The following NBEAL1 variants were observed in gnomAD, a reference collection of about 807,000 sequenced individuals.
NBEAL1 encodes neurobeachin like 1, also known as neurobeachin-like protein 1.
A neutral mutation model predicts 351.3 loss-of-function variants in NBEAL1; 273 were observed. The ratio of observed to expected loss-of-function variants is 0.78; its 90% CI spans 0.70 to 0.86. The LOEUF is 0.86. Ranked by LOEUF, NBEAL1 falls within the 40% of genes least tolerant of loss-of-function variation. The probability of loss-of-function intolerance (pLI) is 0.00; values close to 1 mark genes in which losing one functional copy is unlikely to be tolerated. For missense variants in NBEAL1, 2,961 were observed against 3,201.3 expected, an observed-to-expected ratio of 0.92 and a Z score of 1.81; for synonymous variants, 1,050 against 1,086.4, an observed-to-expected ratio of 0.97 and a Z score of 0.66.
intron 8 of NBEAL1, 129 bp from the exon 9 acceptor site, chr2:203,083,090 A>T (rs1391800534): frequency 8.0e-6 from 6 of 749,034 alleles, no homozygotes; most frequent in Non-Finnish European, 1.3e-5. Flanking sequence ...CTATCAGAGT[A>T]TCTGTTACAA....
intron 7 of NBEAL1, among the ~76,000 whole-genome samples, chr2:203,070,681 C>T (rs1004424175): frequency 1.3e-5 from 2 of 152,176 alleles, no homozygotes; most frequent in African/African-American, 4.8e-5. Flanking sequence ...TTACTTACTG[C>T]AGAAGGCAAA....
chr2:203,126,621 C>T lies in NBEAL1; in HGVS notation c.3050C>T (p.Ser1017Leu). The T allele has an allele frequency of 6.5e-7, 1 of 1,528,104 alleles. No individual in the cohort carries two copies. The highest frequency in any genetic ancestry group is 8.8e-7 in the Non-Finnish European group (1 of 1,137,814). The allele number at this position is 1,528,104 out of a possible 1,614,324, so 94.7% of individuals were successfully genotyped here. A position where few individuals can be genotyped will look rare whatever the true frequency, so the allele number is the denominator to read the frequency against. ...GTTCAGTTACTAATTGAACAAGTAT[C>T]ATTAGAGAAAAATATGCAGCTCCTG... Reference protein sequence around the residue: ...MAVQLLIEQVSLEKNMQLLQQ... With the variant: ...MAVQLLIEQVLLEKNMQLLQQ... Residue 1017 changes from serine (S) to leucine (L), a missense_variant, in exon 22 of 56, where the codon TCA (serine) becomes TTA (leucine). Physicochemically the swap from Ser to Leu is moderately radical, Grantham distance 145. Coordinates refer to ENST00000683969, the MANE Select transcript of NBEAL1 (RefSeq NM_001378026.1).
intron 42 of NBEAL1, among the ~76,000 whole-genome samples, chr2:203,176,013 C>A (rs949109771): frequency 2.0e-5 from 3 of 152,096 alleles, no homozygotes; most frequent in African/African-American, 7.2e-5. Context: ...GAGACTCTGG[C>A]CCTCAGATCA....
rs570001626 is a variant in NBEAL1 at position 203,198,595 on chromosome 2, G to A, written c.7129-743G>A. Among the ~76,000 whole-genome samples the A allele has an allele frequency of 4.6e-5, 7 of 152,228 alleles. No individual in the cohort carries two copies. The East Asian group carries it at 1.4e-3, about 29-fold the overall frequency. ...AGAAAGATAAATTGGGCTGAGCGCA[G>A]TGGCTCACACCTGTAATCCCAGAAC... On this transcript the variant is annotated intron_variant, in intron 48 of 55. Transcript: ENST00000683969.
chr2:203,097,833 A>G (rs1462536861), intron 11 of NBEAL1, among the ~76,000 whole-genome samples, 200 bp downstream of exon 11: 2 of 152,196 alleles, frequency 1.3e-5, no homozygotes, highest in Non-Finnish European at 2.9e-5. Context: ...GTTGATACAA[A>G]CAATCAGTAC....
At chr2:203,047,349 A>C (rs979058202) in intron 3 of NBEAL1, among the ~76,000 whole-genome samples, 1 of 151,852 alleles carries the variant, frequency 6.6e-6, no homozygotes, top group African/African-American at 2.4e-5. Context: ...TTTTTCATTC[A>C]TGTTTAAAAT....
chr2:203,081,514 A>C (rs1044323891), intron 8 of NBEAL1, among the ~76,000 whole-genome samples: 10 of 152,252 alleles, frequency 6.6e-5, no homozygotes, highest in Non-Finnish European at 1.5e-4. Flanking sequence ...TAAGTAAATA[A>C]AAGTTTTATC....
In NBEAL1 at chr2:203,166,303, G is replaced by T. The variant is rs756839883; in HGVS notation, c.5863+6G>T. 1.9e-6 allele frequency: 3 copies of T among 1,594,202 alleles called. No homozygotes were observed. The African/African-American group carries it at 4.1e-5, about 22-fold the overall frequency. On this transcript the variant is annotated splice_donor_region_variant and intron_variant, in intron 37 of 55. Coordinates refer to ENST00000683969, the MANE Select transcript of NBEAL1 (RefSeq NM_001378026.1). Reference sequence around the variant, plus strand: ...CAGCATTGAAAAAGAAGATGGTGAGGAGTTCTGGAAAAAATAATTTTTGCT... The same window carrying T: ...CAGCATTGAAAAAGAAGATGGTGAGTAGTTCTGGAAAAAATAATTTTTGCT...
At position 203,099,689 on chromosome 2, in the gene NBEAL1, A is replaced by G. The variant is rs1186998718; in HGVS notation, c.1246A>G (p.Met416Val). 1 of 1,550,158 alleles carries G rather than the reference A, an allele frequency of 6.5e-7. No homozygotes were observed. Among genetic ancestry groups the G allele is most frequent in the Non-Finnish European group, 8.7e-7 (1 of 1,146,360 alleles). The change falls in exon 12 of 56, where the codon ATG becomes GTG. Residue 416 changes from methionine (M) to valine (V), a missense_variant. Transcript: ENST00000683969. ...ISTIQALTAV[M>V]NKSPAAKEVF... ...AACCATTCAGGCTTTGACCGCAGTA[A>G]TGAACAAATCTCCAGCTGCTAAGGT...
At chr2:203,075,974 G>T (rs563611030) in intron 7 of NBEAL1, among the ~76,000 whole-genome samples, 3 of 152,156 alleles carry the variant, frequency 2.0e-5, no homozygotes, top group East Asian at 1.9e-4. Context: ...TTTCTTTTTG[G>T]TAACATTTGT....
chr2:203,112,008 A>T lies in NBEAL1; in HGVS notation c.2112A>T (p.Gly704=). 2 of 1,550,624 alleles carry T rather than the reference A, an allele frequency of 1.3e-6. No individual in the cohort carries two copies. Among genetic ancestry groups the T allele is most frequent in the Non-Finnish European group, 1.7e-6 (2 of 1,146,464 alleles). ...WHNITVVHMP[G]KRPFGQSFVY... ...ACATAACTGTTGTCCACATGCCTGG[A>T]AAAAGGCCTTTTGGTCAGAGCTTCG... The change falls in exon 16 of 56, where the codon GGA becomes GGT. Residue 704 remains glycine (G), a synonymous_variant. Coordinates refer to ENST00000683969, the MANE Select transcript of NBEAL1 (RefSeq NM_001378026.1).
chr2:203,203,825 A>G (rs187249703), intron 51 of NBEAL1, among the ~76,000 whole-genome samples: 17 of 152,230 alleles, frequency 1.1e-4, no homozygotes, highest in African/African-American at 3.9e-4. Flanking sequence ...GAAGCATTAC[A>G]CTTAAAGTGT....
intron 10 of NBEAL1, among the ~76,000 whole-genome samples, chr2:203,092,282 A>G (rs2062081452): frequency 6.6e-6 from 1 of 152,076 alleles, no homozygotes; most frequent in African/African-American, 2.4e-5. Context: ...TAAGCTGGGC[A>G]TGGTGGCTCA....
Position 203,202,801 on chromosome 2 carries a change from T to C in NBEAL1, c.7506+20T>C. The C allele has an allele frequency of 7.3e-7, 1 of 1,362,522 alleles. No individual in the cohort carries two copies. The highest frequency in any genetic ancestry group is 1.0e-6 in the Non-Finnish European group (1 of 955,274). The allele number at this position is 1,362,522 out of a possible 1,614,324, so 84.4% of individuals were successfully genotyped here. ...CAACAGGTAGTCACACATTTAAATG[T>C]TCTTGAATTAGGTCAGAGATTCACC... On this transcript the variant is annotated intron_variant, in intron 51 of 55. Coordinates refer to ENST00000683969, the MANE Select transcript of NBEAL1 (RefSeq NM_001378026.1).
At chr2:203,120,295 A>T (rs896670810) in intron 18 of NBEAL1, among the ~76,000 whole-genome samples, 2 of 152,198 alleles carry the variant, frequency 1.3e-5, no homozygotes, top group Admixed American at 1.3e-4. Flanking sequence ...TAAGATAAGT[A>T]ACTTGCTTAG....
intron 49 of NBEAL1, 129 bp from the exon 50 acceptor site, chr2:203,201,414 A>C: frequency 1.6e-6 from 1 of 639,526 alleles, no homozygotes; most frequent in Non-Finnish European, 2.4e-6. Flanking sequence ...ATCGTTTATT[A>C]ATAGACATTT....
chr2:203,172,087 TATA>T, intron 40 of NBEAL1, 64 bp downstream of exon 40: 1 of 759,472 alleles, frequency 1.3e-6, no homozygotes, highest in Non-Finnish European at 2.0e-6. Context: ...CACATAAGTA[TATA>T]CATGATACTT....
At position 203,081,970 on chromosome 2, in the gene NBEAL1, G is replaced by A. The variant is rs554257505; in HGVS notation, c.685-1249G>A. Among the ~76,000 whole-genome samples, 39 of 152,290 alleles carry A rather than the reference G, an allele frequency of 2.6e-4. No homozygotes were observed. In the Middle Eastern group the frequency reaches 0.024, roughly 93 times the overall value. On this transcript the variant is annotated intron_variant, in intron 8 of 55. Transcript: ENST00000683969. ...TTTTTTTAAATTAGTCAGGTATGATGGTGCACACCTGTGGTCCCAGCTACT... is the reference window on the plus strand; with the variant it reads ...TTTTTTTAAATTAGTCAGGTATGATAGTGCACACCTGTGGTCCCAGCTACT...
chr2:203,187,340 G>A (rs1253786765), intron 44 of NBEAL1, among the ~76,000 whole-genome samples: 3 of 147,284 alleles, frequency 2.0e-5, no homozygotes, highest in South Asian at 4.4e-4. Context: ...TAACAGACAT[G>A]AGCCACCATG....
Sources: allele counts gnomAD v4.1 joint callset (sites outside exome capture counted in the v4.1 genomes callset), GRCh38; gene constraint gnomAD v4.1.1; transcripts MANE v1.5; gene names NCBI Gene and HGNC (gene_info 2026-07-23, HGNC 2026-07-21).